The following LCMT1 variants were observed in gnomAD, a reference collection of about 807,000 sequenced individuals.
LCMT1 encodes the protein [Phosphatase 2A protein]-leucine-carboxy methyltransferase 1.
In LCMT1, 32 loss-of-function variants were observed where a neutral mutation model predicts 47.7. The ratio of observed to expected loss-of-function variants is 0.67; its 90% CI spans 0.51 to 0.90. LCMT1 has a LOEUF of 0.90. Ranked by LOEUF, LCMT1 falls within the 40% of genes least tolerant of loss-of-function variation. The probability of loss-of-function intolerance (pLI) is 0.00; values close to 1 mark genes in which losing one functional copy is unlikely to be tolerated. For missense variants in LCMT1, 375 were observed against 415.2 expected, an observed-to-expected ratio of 0.90 and a Z score of 0.84; for synonymous variants, 152 against 149.7, an observed-to-expected ratio of 1.02 and a Z score of -0.11.
intron 10 of LCMT1, 43 bp downstream of exon 10, chr16:25,175,077 A>C (rs1961890813): frequency 9.3e-7 from 1 of 1,073,684 alleles, no homozygotes; most frequent in Non-Finnish European, 1.4e-6. Context: ...GAAATAGTGA[A>C]CTTTTCTTTT....
intron 7 of LCMT1, among the ~76,000 whole-genome samples, chr16:25,166,351 T>A (rs1227007238): frequency 1.3e-5 from 2 of 152,112 alleles, no homozygotes; most frequent in Non-Finnish European, 2.9e-5. Flanking sequence ...CAGTGGCTTA[T>A]CACATCATAA....
chr16:25,177,492 A>G (rs1479035003), intron 10 of LCMT1, among the ~76,000 whole-genome samples: 1 of 152,222 alleles, frequency 6.6e-6, no homozygotes, highest in African/African-American at 2.4e-5. Flanking sequence ...CAATGAGCAT[A>G]ATTGTAATGG....
intron 7 of LCMT1, among the ~76,000 whole-genome samples, chr16:25,168,106 T>C (rs2141709659): frequency 6.6e-6 from 1 of 151,960 alleles, no homozygotes; most frequent in Non-Finnish European, 1.5e-5. Flanking sequence ...TGGAGTGCAG[T>C]TGCGCAATCT....
rs539412139 is a variant in LCMT1 at position 25,126,355 on chromosome 16, C to T, written c.114-2120C>T. Among the ~76,000 whole-genome samples, 3 of 152,420 alleles carry T rather than the reference C, an allele frequency of 2.0e-5. No homozygotes were observed. The South Asian group carries it at 6.2e-4, about 32-fold the overall frequency. On this transcript the variant is annotated intron_variant, in intron 1 of 10. Transcript: ENST00000399069. The stretch of plus-strand genomic sequence containing the variant: ...TTACTGTCCTCCGGCCTCCCTGCCT[C>T]CTCTCTGTACTGGAGGCTCAGGTGT...
rs909138241 is a variant in LCMT1, at chr16:25,111,784, C to G, written c.-100C>G. On this transcript the variant is annotated 5_prime_UTR_variant, in exon 1 of 11. Coordinates refer to ENST00000399069, the MANE Select transcript of LCMT1 (RefSeq NM_016309.3). ...GCTGAGCCAGGTAGGGCCCTACCCTCTTCTGTTGCTTTCTCCCTGTGGCTC... is the reference window on the plus strand; with the variant it reads ...GCTGAGCCAGGTAGGGCCCTACCCTGTTCTGTTGCTTTCTCCCTGTGGCTC... 1 of 805,976 alleles carries G rather than the reference C, an allele frequency of 1.2e-6. No individual in the cohort carries two copies. The highest frequency in any genetic ancestry group is 2.1e-6 in the Non-Finnish European group (1 of 475,118). 49.9% of individuals were successfully genotyped at this position (805,976 alleles called of 1,614,324 possible).
At position 25,178,137 on chromosome 16, in the gene LCMT1, T is replaced by A. The variant is rs1597613025; in HGVS notation, c.*114T>A. 2 of 880,124 alleles carry A rather than the reference T, an allele frequency of 2.3e-6. No individual in the cohort carries two copies. The highest frequency in any genetic ancestry group is 3.7e-6 in the Non-Finnish European group (2 of 539,260). The allele number at this position is 880,124 out of a possible 1,614,324, so 54.5% of individuals were successfully genotyped here. On this transcript the variant is annotated 3_prime_UTR_variant, in exon 11 of 11. Transcript: ENST00000399069. Reference sequence around the variant, plus strand: ...CGTCCGCAGGTCTCATCCCACACTCTTGAGAAGCCTTGGTCACTACAGTGG... The same window carrying A: ...CGTCCGCAGGTCTCATCCCACACTCATGAGAAGCCTTGGTCACTACAGTGG...
chr16:25,164,814 CT>C, intron 7 of LCMT1, 96 bp downstream of exon 7: 2 of 1,518,998 alleles, frequency 1.3e-6, no homozygotes, highest in Non-Finnish European at 1.8e-6. Flanking sequence ...TATCCTTTTC[CT>C]TCTGCCTCCA....
At chr16:25,165,799 G>A (rs1003056677) in intron 7 of LCMT1, among the ~76,000 whole-genome samples, 1 of 151,264 alleles carries the variant, frequency 6.6e-6, no homozygotes, top group African/African-American at 2.4e-5. Flanking sequence ...TTACAGGCAT[G>A]AGCCACCATG....
chr16:25,158,426 C>T (rs187069364), intron 5 of LCMT1, among the ~76,000 whole-genome samples: 54 of 152,358 alleles, frequency 3.5e-4, no homozygotes, highest in Non-Finnish European at 6.9e-4. Flanking sequence ...TAAGCCACTG[C>T]GCCCGGCCGG....
chr16:25,168,284 A>C (rs916827591), intron 7 of LCMT1, among the ~76,000 whole-genome samples: 11 of 152,156 alleles, frequency 7.2e-5, no homozygotes, highest in Admixed American at 2.0e-4. Flanking sequence ...CCTGGCCTCA[A>C]GTGATCCACC....
chr16:25,154,452 C>T (rs1443526157), intron 5 of LCMT1, among the ~76,000 whole-genome samples: 3 of 150,310 alleles, frequency 2.0e-5, no homozygotes, highest in Admixed American at 6.6e-5. Flanking sequence ...CTTTCCTTTT[C>T]AGTTTATAGG....
In LCMT1 at chr16:25,128,359, G is replaced by A. The variant is rs1960248292; in HGVS notation, c.114-116G>A. 4 of 671,512 alleles carry A rather than the reference G, an allele frequency of 6.0e-6. No individual in the cohort carries two copies. In the Admixed American group the frequency reaches 1.1e-4, roughly 19 times the overall value. 41.6% of individuals were successfully genotyped at this position (671,512 alleles called of 1,614,324 possible). On this transcript the variant is annotated intron_variant, in intron 1 of 10. Transcript: ENST00000399069. Reference sequence around the variant, plus strand: ...ACTAAATGTGCACTTGGCCTTTTGAGGTGGATGGTTGGTTTTCGTCGAGTT... The same window carrying A: ...ACTAAATGTGCACTTGGCCTTTTGAAGTGGATGGTTGGTTTTCGTCGAGTT...
At chr16:25,132,182 C>A in intron 2 of LCMT1, 1 of 547,506 alleles carries the variant, frequency 1.8e-6, no homozygotes, top group Non-Finnish European at 3.3e-6. Flanking sequence ...TAGTTAATTG[C>A]TTCATGAAAT....
At chr16:25,140,445 T>G in intron 4 of LCMT1, 198 bp downstream of exon 4, 1 of 569,130 alleles carries the variant, frequency 1.8e-6, no homozygotes, top group Non-Finnish European at 3.1e-6. Flanking sequence ...ATTTCCTTAT[T>G]ACAGATCACA....
intron 1 of LCMT1, among the ~76,000 whole-genome samples, chr16:25,112,243 C>G (rs1959644137): frequency 6.6e-6 from 1 of 152,206 alleles, no homozygotes; most frequent in Non-Finnish European, 1.5e-5. Context: ...GGCCCCTGAG[C>G]CAGACAGACG....
intron 9 of LCMT1, among the ~76,000 whole-genome samples, chr16:25,173,838 C>T (rs1961847558): frequency 6.6e-6 from 1 of 152,066 alleles, no homozygotes; most frequent in East Asian, 1.9e-4. Flanking sequence ...AGCCACTGCT[C>T]CTGGCAAACA....
At chr16:25,127,510 T>G (rs902662127) in intron 1 of LCMT1, among the ~76,000 whole-genome samples, 1 of 152,206 alleles carries the variant, frequency 6.6e-6, no homozygotes, top group Non-Finnish European at 1.5e-5. Flanking sequence ...CTTATTGTAG[T>G]CAGGCCAGAG....
chr16:25,116,033 A>G (rs966352003), intron 1 of LCMT1, among the ~76,000 whole-genome samples: 9 of 152,188 alleles, frequency 5.9e-5, no homozygotes, highest in Admixed American at 5.2e-4. Flanking sequence ...AATTCCTCCA[A>G]TAAAGACCAC....
chr16:25,141,985 T>C (rs1960708328), intron 4 of LCMT1: 1 of 152,266 alleles, frequency 6.6e-6, no homozygotes, highest in Non-Finnish European at 1.5e-5. Context: ...TGTGATATTA[T>C]GAACTGTTAT....
Sources: gnomAD v4.1 joint callset for allele counts (sites outside exome capture counted in the v4.1 genomes callset) on GRCh38, gnomAD v4.1.1 for gene constraint, MANE v1.5 for transcripts, NCBI Gene and HGNC (gene_info 2026-07-23, HGNC 2026-07-21) for gene names.